IFIT5: variants seen among roughly 807,000 people sequenced by gnomAD.
IFIT5 encodes the protein interferon-induced protein with tetratricopeptide repeats 5.
IFIT5 carries 2 observed loss-of-function variants against 5.0 expected under a neutral mutation model. That is an observed-to-expected ratio of 0.40 (90% CI 0.16 to 1.26). The LOEUF (loss-of-function observed/expected upper bound fraction) is 1.26. Among genes scored for constraint, IFIT5 ranks in the 50% most tolerant of loss-of-function variants. IFIT5 has a pLI of 0.33. For missense variants in IFIT5, 524 were observed against 563.2 expected, an observed-to-expected ratio of 0.93 and a Z score of 0.70; for synonymous variants, 206 against 204.6, an observed-to-expected ratio of 1.01 and a Z score of -0.06.
At chr10:89,416,178 C>T (rs1228624064) in intron 1 of IFIT5, among the ~76,000 whole-genome samples, 1 of 142,520 alleles carries the variant, frequency 7.0e-6, no homozygotes, top group Non-Finnish European at 1.6e-5. Flanking sequence ...CCGCCTCAGC[C>T]TCCCAAAGTG....
Position 89,420,510 on chromosome 10 carries a change from T to C in IFIT5, c.*1862T>C, listed in dbSNP as rs1841587566. The C allele has an allele frequency of 6.6e-6, 1 of 152,224 alleles. No homozygotes were observed. The highest frequency in any genetic ancestry group is 2.1e-4 in the South Asian group (1 of 4,832). The allele number at this position is 152,224 out of a possible 1,614,324, so 9.4% of individuals were successfully genotyped here. A position where few individuals can be genotyped will look rare whatever the true frequency, so the allele number is the denominator to read the frequency against. ...AAAGATTATTTGCTTCATCAGTTCATAGAAAAGATTATTTGCTTCATCAGT... is the reference window on the plus strand; with the variant it reads ...AAAGATTATTTGCTTCATCAGTTCACAGAAAAGATTATTTGCTTCATCAGT... On this transcript the variant is annotated 3_prime_UTR_variant, in exon 2 of 2. Coordinates refer to ENST00000371795, the MANE Select transcript of IFIT5 (RefSeq NM_012420.3).
Position 89,418,560 on chromosome 10 carries a change from CT to C in IFIT5, c.1362del (p.Ala455LeufsTer10). ...AAGCTGGAAGGAGAAAAGAGGCAAGCTGCTGAGTACTATGAGAAGGCACAAA... is the reference window on the plus strand; with the variant it reads ...AAGCTGGAAGGAGAAAAGAGGCAAGCGCTGAGTACTATGAGAAGGCACAAA... Reference protein sequence around the residue: ...VYKLEGEKRQAAEYYEKAQKI... With the variant: ...VYKLEGEKRQXAEYYEKAQKI... On this transcript the variant is annotated frameshift_variant, in exon 2 of 2. Transcript: ENST00000371795. LOFTEE classifies it high-confidence loss of function. 6.2e-7 allele frequency: 1 copy of C among 1,614,120 alleles called. No homozygotes were observed. Among genetic ancestry groups the C allele is most frequent in the Non-Finnish European group, 8.5e-7 (1 of 1,179,990 alleles).
In IFIT5 at chr10:89,417,246, T is replaced by G. The variant is rs1339653829; in HGVS notation, c.47T>G (p.Leu16Ter). 4 of 1,610,580 alleles carry G rather than the reference T, an allele frequency of 2.5e-6. No homozygotes were observed. The highest frequency in any genetic ancestry group is 3.4e-6 in the Non-Finnish European group (4 of 1,177,022). ...KDTLKAILLE[L>*]ECHFTWNLLK... ...ACCTTGAAGGCCATTCTGTTGGAGT[T>G]AGAATGTCATTTTACATGGAATTTA... The change falls in exon 2 of 2, where the codon TTA becomes TGA. Residue 16 changes from leucine (L) to a stop codon, truncating the protein, a stop_gained. Transcript: ENST00000371795. LOFTEE classifies it low-confidence loss of function (END_TRUNC).
chr10:89,416,167 C>A (rs1841535576), intron 1 of IFIT5, among the ~76,000 whole-genome samples: 1 of 147,576 alleles, frequency 6.8e-6, no homozygotes, highest in East Asian at 2.0e-4. Context: ...TCGTGGTCCA[C>A]CCGCCTCAGC....
chr10:89,417,805 G>C lies in IFIT5; in HGVS notation c.606G>C (p.Gly202=), dbSNP rs745398622. The change falls in exon 2 of 2, where the codon GGG becomes GGC. Residue 202 remains glycine, a synonymous_variant. Transcript: ENST00000371795. The part of the protein sequence containing the change: ...REGSVKSFSL[G]PLRKAVTLNP... ...GGTCTGTAAAGAGCTTTTCTCTGGGGCCTTTGAGAAAGGCTGTTACCCTGA... is the reference window on the plus strand; with the variant it reads ...GGTCTGTAAAGAGCTTTTCTCTGGGCCCTTTGAGAAAGGCTGTTACCCTGA... The C allele has an allele frequency of 1.2e-6, 2 of 1,614,136 alleles. No homozygotes were observed. The highest frequency in any genetic ancestry group is 8.5e-7 in the Non-Finnish European group (1 of 1,180,014).
rs1841579145 is a variant in IFIT5 at position 89,419,610 on chromosome 10, C to T, written c.*962C>T. ...AGTTTTTATACCCTCAATTTCTGGC[C>T]TTTGGCTATTTTAGCATTTCAAAGT... On this transcript the variant is annotated 3_prime_UTR_variant, in exon 2 of 2. Transcript: ENST00000371795. 1.3e-5 allele frequency: 2 copies of T among 151,866 alleles called. No individual in the cohort carries two copies. Among genetic ancestry groups the T allele is most frequent in the South Asian group, 2.1e-4 (1 of 4,794 alleles). 9.4% of individuals were successfully genotyped at this position (151,866 alleles called of 1,614,324 possible).
Position 89,418,460 on chromosome 10 carries a change from A to C in IFIT5, c.1261A>C (p.Lys421Gln). 6.2e-7 allele frequency: 1 copy of C among 1,614,192 alleles called. No individual in the cohort carries two copies. The highest frequency in any genetic ancestry group is 8.5e-7 in the Non-Finnish European group (1 of 1,179,992). Residue 421 changes from lysine to glutamine, a missense_variant, in exon 2 of 2, where the codon AAG becomes CAG. Lys to Gln is a moderately conservative substitution (Grantham distance 53). Coordinates refer to ENST00000371795, the MANE Select transcript of IFIT5 (RefSeq NM_012420.3). ...PLRTKLTSAL[K>Q]KLSTKRLCHN... Reference sequence around the variant, plus strand: ...TCGCACCAAACTGACAAGTGCTCTGAAGAAATTGTCTACCAAGAGACTTTG... The same window carrying C: ...TCGCACCAAACTGACAAGTGCTCTGCAGAAATTGTCTACCAAGAGACTTTG...
At chr10:89,415,213 G>T (rs933397785) in intron 1 of IFIT5, among the ~76,000 whole-genome samples, 1 of 152,232 alleles carries the variant, frequency 6.6e-6, no homozygotes, top group Non-Finnish European at 1.5e-5. Context: ...CGGCAGCGGC[G>T]ACGGTGACCG....
chr10:89,417,863 G>T lies in IFIT5; in HGVS notation c.664G>T (p.Ala222Ser), dbSNP rs1199989621. 2 of 1,614,046 alleles carry T rather than the reference G, an allele frequency of 1.2e-6. No homozygotes were observed. The highest frequency in any genetic ancestry group is 1.7e-5 in the Admixed American group (1 of 60,002). Residue 222 changes from alanine (A) to serine (S), a missense_variant, in exon 2 of 2, where the codon GCA becomes TCA. By Grantham distance (99) the Ala-to-Ser change is moderately conservative. Transcript: ENST00000371795. ...TAACAGCTATATTAAGGTTTTTCTG[G>T]CACTGAAGCTTCAAGATGTACATGC... is the stretch of plus-strand genomic sequence containing the variant. ...PDNSYIKVFLALKLQDVHAEA... is the reference protein window; with the variant it reads ...PDNSYIKVFLSLKLQDVHAEA...
At position 89,417,243 on chromosome 10, in the gene IFIT5, A is replaced by C; in HGVS notation, c.44A>C (p.Glu15Ala). ...GACACCTTGAAGGCCATTCTGTTGG[A>C]GTTAGAATGTCATTTTACATGGAAT... Reference protein sequence around the residue: ...RKDTLKAILLELECHFTWNLL... With the variant: ...RKDTLKAILLALECHFTWNLL... The change falls in exon 2 of 2, where the codon GAG becomes GCG. Residue 15 changes from glutamate to alanine, a missense_variant. Coordinates refer to ENST00000371795, the MANE Select transcript of IFIT5 (RefSeq NM_012420.3). 1 of 1,609,494 alleles carries C rather than the reference A, an allele frequency of 6.2e-7. No individual in the cohort carries two copies. Among genetic ancestry groups the C allele is most frequent in the Non-Finnish European group, 8.5e-7 (1 of 1,176,216 alleles).
intron 1 of IFIT5, among the ~76,000 whole-genome samples, chr10:89,416,186 G>A (rs534333833): frequency 7.1e-6 from 1 of 141,578 alleles, no homozygotes; most frequent in African/African-American, 2.6e-5. Context: ...GCCTCCCAAA[G>A]TGCTGGGATT....
At position 89,419,360 on chromosome 10, in the gene IFIT5, TC is replaced by T. The variant is rs58331391; in HGVS notation, c.*713del. 6.1e-5 allele frequency: 4 copies of T among 65,292 alleles called. No individual in the cohort carries two copies. Among genetic ancestry groups the T allele is most frequent in the African/African-American group, 1.4e-4 (2 of 14,694 alleles). The allele number at this position is 65,292 out of a possible 1,614,324, so 4.0% of individuals were successfully genotyped here. A position where few individuals can be genotyped will look rare whatever the true frequency, so the allele number is the denominator to read the frequency against. On this transcript the variant is annotated 3_prime_UTR_variant, in exon 2 of 2. Coordinates refer to ENST00000371795, the MANE Select transcript of IFIT5 (RefSeq NM_012420.3). ...GAAAATAGTGAGTCTCAAATTGTTC[TC>T]TTTTTTTTTTTAACTAAAACAAATC... is the stretch of plus-strand genomic sequence containing the variant.
At chr10:89,415,203 C>G (rs972177304) in intron 1 of IFIT5, among the ~76,000 whole-genome samples, 1 of 152,234 alleles carries the variant, frequency 6.6e-6, no homozygotes, top group Non-Finnish European at 1.5e-5. Context: ...CGGCTCTTCT[C>G]GGCAGCGGCG....
rs1018999129 is a variant in IFIT5, at chr10:89,417,363, ACCTATTGG to A, written c.170_177del (p.Leu57CysfsTer9). On this transcript the variant is annotated frameshift_variant, in exon 2 of 2. Coordinates refer to ENST00000371795, the MANE Select transcript of IFIT5 (RefSeq NM_012420.3). LOFTEE classifies it low-confidence loss of function (END_TRUNC). Reference sequence around the variant, plus strand: ...ACAAAATCTAGACTTGCTCTTTATAACCTATTGGCCTATGTGAAACACCTAAAAGGCCA... The same window carrying A: ...ACAAAATCTAGACTTGCTCTTTATAACCTATGTGAAACACCTAAAAGGCCA... 6.2e-7 allele frequency: 1 copy of A among 1,614,052 alleles called. No individual in the cohort carries two copies. Among genetic ancestry groups the A allele is most frequent in the Non-Finnish European group, 8.5e-7 (1 of 1,180,032 alleles).
At chr10:89,417,159 T>C (rs756598961) in intron 1 of IFIT5, 46 bp from the exon 2 acceptor site, 2 of 1,446,788 alleles carry the variant, frequency 1.4e-6, no homozygotes, top group Admixed American at 4.4e-5. Flanking sequence ...TAGAAAATTA[T>C]TTCTTGTATT....
At position 89,418,514 on chromosome 10, in the gene IFIT5, A is replaced by C; in HGVS notation, c.1315A>C (p.Ser439Arg). 6.2e-7 allele frequency: 1 copy of C among 1,614,202 alleles called. No homozygotes were observed. Among genetic ancestry groups the C allele is most frequent in the Non-Finnish European group, 8.5e-7 (1 of 1,180,014 alleles). ...CAATGCTTTAGATGTGCAGAGTTTA[A>C]GTGCCCTAGGGTTTGTTTACAAGCT... Reference protein sequence around the residue: ...CHNALDVQSLSALGFVYKLEG... With the variant: ...CHNALDVQSLRALGFVYKLEG... The change falls in exon 2 of 2, where the codon AGT (serine) becomes CGT (arginine). Residue 439 changes from serine to arginine, a missense_variant. Transcript: ENST00000371795.
chr10:89,416,096 G>C (rs769343762), intron 1 of IFIT5, among the ~76,000 whole-genome samples: 1 of 151,798 alleles, frequency 6.6e-6, no homozygotes, highest in East Asian at 1.9e-4. Context: ...CTAATTTTTT[G>C]TATCTTTAGT....
chr10:89,416,759 A>G (rs902629325), intron 1 of IFIT5, among the ~76,000 whole-genome samples: 3 of 152,250 alleles, frequency 2.0e-5, no homozygotes, highest in African/African-American at 7.2e-5. Flanking sequence ...CTGTAAGGAC[A>G]TGGCATGTCT....
In IFIT5 at chr10:89,418,289, G is replaced by A. The variant is rs1013488453; in HGVS notation, c.1090G>A (p.Ala364Thr). The stretch of plus-strand genomic sequence containing the variant: ...CAATGCTGAGGACATTTTCCGGAAA[G>A]CTCTTCGTCTGGAGAACATAACCGA... ...YSNAEDIFRK[A>T]LRLENITDDH... The change falls in exon 2 of 2, where the codon GCT becomes ACT. Residue 364 changes from alanine to threonine, a missense_variant. Transcript: ENST00000371795. 6.2e-7 allele frequency: 1 copy of A among 1,614,206 alleles called. No homozygotes were observed. Among genetic ancestry groups the A allele is most frequent in the Non-Finnish European group, 8.5e-7 (1 of 1,180,026 alleles).
Sources: allele counts gnomAD v4.1 joint callset (sites outside exome capture counted in the v4.1 genomes callset), GRCh38; gene constraint gnomAD v4.1.1; transcripts MANE v1.5; gene names NCBI Gene and HGNC (gene_info 2026-07-23, HGNC 2026-07-21).